The following PIP5K1C variants were observed in gnomAD, a reference collection of about 807,000 sequenced individuals.
PIP5K1C encodes the protein phosphatidylinositol 4-phosphate 5-kinase type-1 gamma.
A neutral mutation model predicts 80.1 loss-of-function variants in PIP5K1C; 45 were observed. The ratio of observed to expected loss-of-function variants is 0.56; its 90% CI spans 0.44 to 0.72. PIP5K1C has a LOEUF of 0.72. Ranked by LOEUF, PIP5K1C falls within the 30% of genes least tolerant of loss-of-function variation. PIP5K1C has a pLI of 0.00. For synonymous variants in PIP5K1C, 498 were observed against 420.1 expected, an observed-to-expected ratio of 1.19 and a Z score of -2.27; for missense variants, 753 against 954.6, an observed-to-expected ratio of 0.79 and a Z score of 2.78.
At chr19:3,664,993 A>G in intron 2 of PIP5K1C, 79 bp from the exon 3 acceptor site, 1 of 1,195,920 alleles carries the variant, frequency 8.4e-7, no homozygotes, top group South Asian at 1.2e-5. Context: ...AACCCTGGGA[A>G]GAAAGGTTTA....
intron 1 of PIP5K1C, among the ~76,000 whole-genome samples, chr19:3,699,672 G>A (rs1158637951): frequency 6.6e-6 from 1 of 152,174 alleles, no homozygotes; most frequent in South Asian, 2.1e-4. Context: ...CCGGCTGGAG[G>A]TCCAGGAAGC....
At chr19:3,681,107 G>A (rs376789232) in intron 1 of PIP5K1C, among the ~76,000 whole-genome samples, 4 of 152,202 alleles carry the variant, frequency 2.6e-5, no homozygotes, top group Admixed American at 2.0e-4. Context: ...ACAAGAACCC[G>A]GAGTCAACAC....
rs532668489 is a variant in PIP5K1C at position 3,638,151 on chromosome 19, C to T, written c.1920+733G>A. 2.6e-5 allele frequency: 28 copies of T among 1,080,694 alleles called. No homozygotes were observed. The Admixed American group carries it at 2.7e-4, about 10-fold the overall frequency. The allele number at this position is 1,080,694 out of a possible 1,614,324, so 66.9% of individuals were successfully genotyped here. On this transcript the variant is annotated intron_variant, in intron 16 of 17. Transcript: ENST00000335312. ...CATCTGGGAAGTGGGCTGCAGCCTC[C>T]GGCCCTCCCTGTGACCTGGGGCTGC...
At chr19:3,660,515 C>T (rs10418935) in intron 5 of PIP5K1C, among the ~76,000 whole-genome samples, 1 of 152,170 alleles carries the variant, frequency 6.6e-6, no homozygotes, top group East Asian at 1.9e-4. Flanking sequence ...TTTGACTTTG[C>T]TAACCTGAAA....
At chr19:3,655,193 C>T (rs942835840) in intron 6 of PIP5K1C, among the ~76,000 whole-genome samples, 1 of 149,142 alleles carries the variant, frequency 6.7e-6, no homozygotes, top group Admixed American at 6.8e-5. Flanking sequence ...CCGAGACAGG[C>T]AGATCACGAC....
chr19:3,663,704 C>G (rs997824654), intron 3 of PIP5K1C, among the ~76,000 whole-genome samples: 1 of 152,200 alleles, frequency 6.6e-6, no homozygotes, highest in Admixed American at 6.5e-5. Flanking sequence ...CCCATGAGGA[C>G]GCCAGAATCA....
chr19:3,659,711 T>A (rs574075087), intron 5 of PIP5K1C, among the ~76,000 whole-genome samples: 1 of 151,792 alleles, frequency 6.6e-6, no homozygotes, highest in Admixed American at 6.6e-5. Flanking sequence ...AGGCTGGAGT[T>A]CTCGGGGCGG....
At chr19:3,684,253 A>C (rs1005558664) in intron 1 of PIP5K1C, among the ~76,000 whole-genome samples, 2 of 152,160 alleles carry the variant, frequency 1.3e-5, no homozygotes, top group Non-Finnish European at 2.9e-5. Flanking sequence ...TAGAGGCATC[A>C]AGATGAGCTC....
At chr19:3,678,020 G>C (rs571855045) in intron 1 of PIP5K1C, among the ~76,000 whole-genome samples, 45 of 95,318 alleles carry the variant, frequency 4.7e-4, no homozygotes, top group African/African-American at 2.1e-3. Context: ...GAGGGATGGA[G>C]AGACGGAGGG....
rs370942420 is a variant in PIP5K1C, at chr19:3,646,520, A to G, written c.1261-462T>C. ...CTCCACCCCCGCAGGCTGCAGTGGG[A>G]GGTGGTGCCCGGCCACTCTGGGCCA... On this transcript the variant is annotated intron_variant, in intron 10 of 17. Coordinates refer to ENST00000335312, the MANE Select transcript of PIP5K1C (RefSeq NM_012398.3). Among the ~76,000 whole-genome samples the G allele has an allele frequency of 2.0e-5, 3 of 151,954 alleles. No individual in the cohort carries two copies. The East Asian group carries it at 5.8e-4, about 30-fold the overall frequency.
chr19:3,681,155 G>A (rs1212934138), intron 1 of PIP5K1C, among the ~76,000 whole-genome samples: 1 of 152,092 alleles, frequency 6.6e-6, no homozygotes, highest in East Asian at 1.9e-4. Context: ...GGGGCGGGCA[G>A]GGTGTTCCTG....
chr19:3,646,649 C>T lies in PIP5K1C; in HGVS notation c.1261-591G>A, dbSNP rs536640639. 8.5e-5 allele frequency among the ~76,000 whole-genome samples: 13 copies of T among 152,346 alleles called. No individual in the cohort carries two copies. The South Asian group carries it at 1.2e-3, about 15-fold the overall frequency. On this transcript the variant is annotated intron_variant, in intron 10 of 17. Coordinates refer to ENST00000335312, the MANE Select transcript of PIP5K1C (RefSeq NM_012398.3). Reference sequence around the variant, plus strand: ...TCCTATCTGCCCTGGGCAGCAGGTTCCGGGCCTTGGCAAGGTTTAAGACAT... The same window carrying T: ...TCCTATCTGCCCTGGGCAGCAGGTTTCGGGCCTTGGCAAGGTTTAAGACAT...
chr19:3,694,622 G>A (rs79735514), intron 1 of PIP5K1C, among the ~76,000 whole-genome samples: 18,087 of 152,196 alleles, frequency 0.12, 1,526 homozygotes, highest in Admixed American at 0.25. Flanking sequence ...CGTGCCACCC[G>A]CTGTCCTCAG....
chr19:3,643,140 T>C (rs550176292), intron 13 of PIP5K1C, 103 bp downstream of exon 13: 2 of 1,566,798 alleles, frequency 1.3e-6, no homozygotes, highest in Non-Finnish European at 1.7e-6. Context: ...CATACGATGC[T>C]CCACCCACAT....
intron 3 of PIP5K1C, 69 bp from the exon 4 acceptor site, chr19:3,662,070 C>CCG: frequency 6.6e-7 from 1 of 1,512,878 alleles, no homozygotes; most frequent in Non-Finnish European, 8.9e-7. Context: ...CTGTGTGCAC[C>CCG]GGGGGGTGGA....
intron 17 of PIP5K1C, 47 bp from the exon 18 acceptor site, chr19:3,633,216 C>T (rs745443555): frequency 5.4e-6 from 4 of 744,766 alleles, no homozygotes; most frequent in Admixed American, 1.9e-5. Context: ...CGAGGGCCCA[C>T]CCCAGGCCCC....
intron 16 of PIP5K1C, 126 bp downstream of exon 16, chr19:3,638,758 G>A (rs1321081466): frequency 1.1e-5 from 14 of 1,218,460 alleles, no homozygotes; most frequent in Non-Finnish European, 1.6e-5. Context: ...GAGCATGTGG[G>A]TGGGTCGACA....
At chr19:3,679,541 T>C (rs546696523) in intron 1 of PIP5K1C, among the ~76,000 whole-genome samples, 1 of 152,314 alleles carries the variant, frequency 6.6e-6, no homozygotes, top group Admixed American at 6.5e-5. Flanking sequence ...TCGTTCACGG[T>C]TGCTCTCCCA....
chr19:3,664,427 G>A (rs2034939515), intron 3 of PIP5K1C, among the ~76,000 whole-genome samples: 1 of 152,188 alleles, frequency 6.6e-6, no homozygotes, highest in Admixed American at 6.5e-5. Flanking sequence ...GGAACAGAGT[G>A]GGGGTCAGGC....
Sources: gnomAD v4.1 joint callset for allele counts (sites outside exome capture counted in the v4.1 genomes callset) on GRCh38, gnomAD v4.1.1 for gene constraint, MANE v1.5 for transcripts, NCBI Gene and HGNC (gene_info 2026-07-23, HGNC 2026-07-21) for gene names.